Variants in OPCML observed in about 807,000 individuals in gnomAD.
The protein encoded by OPCML is opioid-binding protein/cell adhesion molecule.
A neutral mutation model predicts 37.8 loss-of-function variants in OPCML; 13 were observed. The observed-to-expected ratio is 0.34, with a 90% confidence interval of 0.22 to 0.55. The LOEUF (loss-of-function observed/expected upper bound fraction) is 0.55. Ranked by LOEUF, OPCML falls within the 20% of genes least tolerant of loss-of-function variation. The pLI, the probability that OPCML is intolerant of heterozygous loss-of-function variation, is 0.91. For missense variants in OPCML, 341 were observed against 435.6 expected, an observed-to-expected ratio of 0.78 and a Z score of 1.93; for synonymous variants, 176 against 168.8, an observed-to-expected ratio of 1.04 and a Z score of -0.33.
intron 1 of OPCML, among the ~76,000 whole-genome samples, chr11:133,044,551 T>A (rs1297229608): frequency 2.0e-5 from 3 of 152,204 alleles, no homozygotes; most frequent in Non-Finnish European, 4.4e-5. Context: ...AGCCAGAGGT[T>A]AAGAAGAAGC....
At chr11:133,247,563 T>TCTTTCTTTCTTTCTTTCTTTCTTA (rs1565528082) in intron 1 of OPCML, among the ~76,000 whole-genome samples, 1 of 148,618 alleles carries the variant, frequency 6.7e-6, no homozygotes, top group Non-Finnish European at 1.5e-5. Flanking sequence ...TTTCTTTCTT[T>TCTTTCTTTCTTTCTTTCTTTCTTA]CTTTCTTTCT....
At chr11:132,778,473 G>A (rs994027911) in intron 2 of OPCML, among the ~76,000 whole-genome samples, 2 of 152,196 alleles carry the variant, frequency 1.3e-5, no homozygotes, top group African/African-American at 2.4e-5. Flanking sequence ...ATATAATTTA[G>A]TGTAAAGATA....
chr11:133,158,156 G>A (rs979366035), intron 1 of OPCML, among the ~76,000 whole-genome samples: 2 of 152,194 alleles, frequency 1.3e-5, no homozygotes, highest in Non-Finnish European at 2.9e-5. Context: ...TACCGACAGG[G>A]GCTGGATTGT....
intron 1 of OPCML, among the ~76,000 whole-genome samples, chr11:133,187,814 C>T (rs1938152982): frequency 6.6e-6 from 1 of 152,148 alleles, no homozygotes; most frequent in South Asian, 2.1e-4. Context: ...GTAATATTCC[C>T]ATGAAGTACA....
intron 2 of OPCML, among the ~76,000 whole-genome samples, chr11:132,675,496 T>C (rs1377560418): frequency 6.6e-6 from 1 of 152,004 alleles, no homozygotes; most frequent in Non-Finnish European, 1.5e-5. Context: ...CAATTAAAAA[T>C]ATGTCTCTGC....
intron 2 of OPCML, among the ~76,000 whole-genome samples, chr11:132,938,603 G>A (rs1945474112): frequency 6.6e-6 from 1 of 152,160 alleles, no homozygotes; most frequent in African/African-American, 2.4e-5. Flanking sequence ...ATGCAGACCA[G>A]TTATAATAGA....
chr11:132,747,245 C>T (rs2136057065), intron 2 of OPCML, among the ~76,000 whole-genome samples: 1 of 152,100 alleles, frequency 6.6e-6, no homozygotes. Context: ...TTGAATTTGG[C>T]CTAGGGTTTT....
intron 2 of OPCML, among the ~76,000 whole-genome samples, chr11:132,803,766 A>C (rs1243525844): frequency 1.3e-5 from 2 of 152,210 alleles, no homozygotes; most frequent in Non-Finnish European, 2.9e-5. Flanking sequence ...TAGATATATA[A>C]ACTTAGGCAT....
At chr11:133,373,424 A>AATACATATATAT (rs1555147586) in intron 1 of OPCML, among the ~76,000 whole-genome samples, 5 of 117,756 alleles carry the variant, frequency 4.2e-5, no homozygotes, top group Non-Finnish European at 8.4e-5. Flanking sequence ...ACTTAATTAA[A>AATACATATATAT]ATATATATAT....
chr11:132,843,188 G>A (rs372561026), intron 2 of OPCML, among the ~76,000 whole-genome samples: 33 of 149,042 alleles, frequency 2.2e-4, no homozygotes, highest in East Asian at 2.0e-3. Flanking sequence ...TCTGTCTCCC[G>A]GGTTCAAGCG....
intron 1 of OPCML, among the ~76,000 whole-genome samples, chr11:133,147,751 G>T (rs375292967): frequency 7.1e-4 from 108 of 152,214 alleles, no homozygotes; most frequent in Middle Eastern, 3.4e-3. Flanking sequence ...ACAGGTCCTG[G>T]TTGTACAAAC....
intron 1 of OPCML, among the ~76,000 whole-genome samples, chr11:133,090,000 T>G (rs1243679431): frequency 6.6e-6 from 1 of 152,172 alleles, no homozygotes; most frequent in Non-Finnish European, 1.5e-5. Context: ...ATATCAAAAA[T>G]GTACACAGGT....
chr11:133,096,606 C>T (rs1254606045), intron 1 of OPCML, among the ~76,000 whole-genome samples: 1 of 151,850 alleles, frequency 6.6e-6, no homozygotes, highest in Non-Finnish European at 1.5e-5. Flanking sequence ...GGGTCAAAAA[C>T]AAAACTCAAC....
intron 3 of OPCML, among the ~76,000 whole-genome samples, chr11:132,646,547 G>T (rs1375957562): frequency 1.3e-5 from 2 of 152,164 alleles, no homozygotes; most frequent in African/African-American, 4.8e-5. Flanking sequence ...TATCAATTAG[G>T]ATGTGACAGG....
chr11:132,888,755 A>G (rs1943523184), intron 2 of OPCML, among the ~76,000 whole-genome samples: 1 of 152,156 alleles, frequency 6.6e-6, no homozygotes, highest in African/African-American at 2.4e-5. Flanking sequence ...GAATGGGCCA[A>G]GGCAAACATC....
chr11:132,843,454 C>T (rs1173947778), intron 2 of OPCML, among the ~76,000 whole-genome samples: 1 of 152,030 alleles, frequency 6.6e-6, no homozygotes, highest in Non-Finnish European at 1.5e-5. Flanking sequence ...GATTCTGATG[C>T]AACGGTTCTA....
At chr11:133,236,525 T>C (rs747771163) in intron 1 of OPCML, among the ~76,000 whole-genome samples, 13 of 152,172 alleles carry the variant, frequency 8.5e-5, no homozygotes, top group Non-Finnish European at 1.6e-4. Context: ...TGTCTCCCCG[T>C]CTAATTAGGA....
At chr11:132,564,831 A>G (rs1183942881) in intron 3 of OPCML, among the ~76,000 whole-genome samples, 2 of 152,244 alleles carry the variant, frequency 1.3e-5, no homozygotes, top group African/African-American at 4.8e-5. Flanking sequence ...GACAAAGTCA[A>G]CGGGGTATGG....
In OPCML at chr11:132,865,448, G is replaced by A. The variant is rs867177822; in HGVS notation, c.146+77478C>T. ...ACAAATAGGAGAAATGAAATCATAC[G>A]CTCAGCCCAACAGAGGAAACACGGC... On this transcript the variant is annotated intron_variant, in intron 2 of 7. Transcript: ENST00000524381. Among the ~76,000 whole-genome samples the A allele has an allele frequency of 2.6e-5, 4 of 152,248 alleles. No individual in the cohort carries two copies. The South Asian group carries it at 6.2e-4, about 24-fold the overall frequency.
Sources: gnomAD v4.1 joint callset for allele counts (sites outside exome capture counted in the v4.1 genomes callset) on GRCh38, gnomAD v4.1.1 for gene constraint, MANE v1.5 for transcripts, NCBI Gene and HGNC (gene_info 2026-07-23, HGNC 2026-07-21) for gene names.